The following CD247 variants were observed in gnomAD, a reference collection of about 807,000 sequenced individuals.
CD247 encodes T-cell surface glycoprotein CD3 zeta chain.
CD247 carries 13 observed loss-of-function variants against 30.0 expected under a neutral mutation model. The ratio of observed to expected loss-of-function variants is 0.43; its 90% CI spans 0.28 to 0.69. The LOEUF is 0.69. Among genes scored for constraint, CD247 ranks in the 30% least tolerant of loss-of-function variants. The pLI is 0.16. For synonymous variants in CD247, 72 were observed against 80.0 expected (o/e 0.90, Z 0.53); for missense variants, 193 against 212.6 (o/e 0.91, Z 0.57).
intron 1 of CD247, among the ~76,000 whole-genome samples, chr1:167,452,469 C>A (rs1571530741): frequency 6.6e-6 from 1 of 151,488 alleles, no homozygotes; most frequent in African/African-American, 2.4e-5. Flanking sequence ...GGGAAGATGC[C>A]GTGAAGATGA....
intron 1 of CD247, among the ~76,000 whole-genome samples, chr1:167,472,057 C>T (rs1653556145): frequency 1.3e-5 from 2 of 152,092 alleles, no homozygotes; most frequent in Admixed American, 6.5e-5. Flanking sequence ...TGGTCTCAAA[C>T]TCCTGACCTC....
At chr1:167,471,628 G>A (rs1335493390) in intron 1 of CD247, among the ~76,000 whole-genome samples, 1 of 151,862 alleles carries the variant, frequency 6.6e-6, no homozygotes, top group Non-Finnish European at 1.5e-5. Flanking sequence ...TAGAGATGGG[G>A]GTCTCATTCT....
At chr1:167,488,310 C>T (rs1297128724) in intron 1 of CD247, among the ~76,000 whole-genome samples, 6 of 152,204 alleles carry the variant, frequency 3.9e-5, no homozygotes, top group Non-Finnish European at 8.8e-5. Context: ...CACAGTAAGG[C>T]AGACTTCATT....
At position 167,514,186 on chromosome 1, in the gene CD247, G is replaced by A. The variant is rs980539584; in HGVS notation, c.58+4222C>T. On this transcript the variant is annotated intron_variant, in intron 1 of 7. Transcript: ENST00000362089. ...GAATCTTGCTCTGTCGCCCAGGCTGGAGTGCAGTGGTACGATCTCAGCTCA... is the reference window on the plus strand; with the variant it reads ...GAATCTTGCTCTGTCGCCCAGGCTGAAGTGCAGTGGTACGATCTCAGCTCA... 1.3e-4 allele frequency among the ~76,000 whole-genome samples: 20 copies of A among 151,892 alleles called. No individual in the cohort carries two copies. The South Asian group carries it at 4.2e-3, about 32-fold the overall frequency.
At chr1:167,485,766 C>T (rs1654179712) in intron 1 of CD247, among the ~76,000 whole-genome samples, 1 of 152,098 alleles carries the variant, frequency 6.6e-6, no homozygotes, top group African/African-American at 2.4e-5. Flanking sequence ...TCCAACCCAC[C>T]AAGAATGGTG....
intron 1 of CD247, among the ~76,000 whole-genome samples, chr1:167,493,209 A>T (rs1257588114): frequency 6.6e-6 from 1 of 151,486 alleles, no homozygotes; most frequent in African/African-American, 2.4e-5. Context: ...TGCCCAGCTA[A>T]GTTTTGCATT....
In CD247 at chr1:167,518,414, T is replaced by TC. The variant is rs1553238837; in HGVS notation, c.51dup (p.Ile18AspfsTer56). On this transcript the variant is annotated frameshift_variant, in exon 1 of 8. Transcript: ENST00000362089. LOFTEE classifies it high-confidence loss of function. The stretch of plus-strand genomic sequence containing the variant: ...GTCGACACGTCGGCCCTACCTGTAA[T>TC]CGGCAACTGTGCCTGCAGGATGGCC... 2.5e-6 allele frequency: 4 copies of TC among 1,614,038 alleles called. No individual in the cohort carries two copies. The highest frequency in any genetic ancestry group is 3.4e-6 in the Non-Finnish European group (4 of 1,180,006).
At chr1:167,485,575 C>T (rs577661660) in intron 1 of CD247, among the ~76,000 whole-genome samples, 1 of 152,202 alleles carries the variant, frequency 6.6e-6, no homozygotes, top group Non-Finnish European at 1.5e-5. Context: ...CTGAGAGCTG[C>T]CTGAGATTAG....
chr1:167,435,241 C>G, intron 5 of CD247, 158 bp downstream of exon 5: 1 of 443,832 alleles, frequency 2.3e-6, no homozygotes, highest in Non-Finnish European at 4.1e-6. Flanking sequence ...CTCCTCCAGC[C>G]CTTCCTCCAG....
intron 1 of CD247, among the ~76,000 whole-genome samples, chr1:167,445,547 TA>T (rs34111618): frequency 0.98 from 148,666 of 151,596 alleles, 72,957 homozygotes; most frequent in Middle Eastern, 1. Context: ...TCATCTTCAT[TA>T]AAAAAAAAGC....
At chr1:167,488,291 C>T (rs1311433531) in intron 1 of CD247, among the ~76,000 whole-genome samples, 1 of 152,136 alleles carries the variant, frequency 6.6e-6, no homozygotes, top group Non-Finnish European at 1.5e-5. Context: ...TCAATGATAC[C>T]TGTTAAAGCA....
rs746031616 is a variant in CD247, at chr1:167,431,141, G to A, written c.*540C>T. ...CTTCCCATGCCCCTGCAGCTCCCTG[G>A]TTGCACCTGGCCTAGGCTCCTTTCC... On this transcript the variant is annotated 3_prime_UTR_variant, in exon 8 of 8. Transcript: ENST00000362089. 2.4e-6 allele frequency: 1 copy of A among 424,286 alleles called. No individual in the cohort carries two copies. The highest frequency in any genetic ancestry group is 4.2e-6 in the Non-Finnish European group (1 of 240,074). The allele number at this position is 424,286 out of a possible 1,614,324, so 26.3% of individuals were successfully genotyped here.
intron 1 of CD247, among the ~76,000 whole-genome samples, chr1:167,463,309 C>T (rs1038336111): frequency 3.3e-5 from 5 of 152,182 alleles, no homozygotes; most frequent in African/African-American, 4.8e-5. Context: ...CAGAAACCCA[C>T]GATTACATTG....
At chr1:167,452,508 T>A (rs1230055786) in intron 1 of CD247, among the ~76,000 whole-genome samples, 1 of 151,560 alleles carries the variant, frequency 6.6e-6, no homozygotes, top group Non-Finnish European at 1.5e-5. Flanking sequence ...GATGGCCACC[T>A]ACAAGCCAAG....
At chr1:167,451,008 A>G (rs1652329280) in intron 1 of CD247, among the ~76,000 whole-genome samples, 1 of 152,112 alleles carries the variant, frequency 6.6e-6, no homozygotes, top group East Asian at 1.9e-4. Context: ...CCTGTTTTTC[A>G]CAGGTGGTCA....
At chr1:167,510,116 T>C (rs940993898) in intron 1 of CD247, among the ~76,000 whole-genome samples, 1 of 152,148 alleles carries the variant, frequency 6.6e-6, no homozygotes, top group Non-Finnish European at 1.5e-5. Context: ...TGAAGTAATG[T>C]TTGCCCTTCC....
chr1:167,435,975 G>T (rs560490107), intron 4 of CD247, among the ~76,000 whole-genome samples: 3 of 152,334 alleles, frequency 2.0e-5, no homozygotes, highest in Non-Finnish European at 4.4e-5. Flanking sequence ...CCTGGACAGG[G>T]GCTGGATGGA....
chr1:167,486,945 G>T (rs530583595), intron 1 of CD247, among the ~76,000 whole-genome samples: 2 of 151,436 alleles, frequency 1.3e-5, no homozygotes, highest in East Asian at 3.9e-4. Flanking sequence ...GTGGTGGAGG[G>T]TGCCTGTAAT....
At chr1:167,443,506 G>A (rs1276428500) in intron 1 of CD247, among the ~76,000 whole-genome samples, 3 of 152,332 alleles carry the variant, frequency 2.0e-5, no homozygotes, top group East Asian at 1.9e-4. Flanking sequence ...GGAGATAACC[G>A]TGGCGATTTA....
Sources: gnomAD v4.1 joint callset for allele counts (sites outside exome capture counted in the v4.1 genomes callset) on GRCh38, gnomAD v4.1.1 for gene constraint, MANE v1.5 for transcripts, NCBI Gene and HGNC (gene_info 2026-07-23, HGNC 2026-07-21) for gene names.